CIT: variants seen among roughly 807,000 people sequenced by gnomAD.
The protein encoded by CIT is citron rho-interacting serine/threonine kinase.
A neutral mutation model predicts 272.7 loss-of-function variants in CIT; 79 were observed. That is an observed-to-expected ratio of 0.29 (90% CI 0.24 to 0.35). The LOEUF is 0.35. Ranked by LOEUF, CIT falls within the 10% of genes least tolerant of loss-of-function variation. CIT has a pLI of 1.00. For synonymous variants in CIT, 948 were observed against 995.6 expected (o/e 0.95, Z 0.90); for missense variants, 1,909 against 2,618.3 (o/e 0.73, Z 5.91).
At chr12:119,845,489 C>A (rs1969728669) in intron 5 of CIT, among the ~76,000 whole-genome samples, 1 of 151,430 alleles carries the variant, frequency 6.6e-6, no homozygotes, top group Non-Finnish European at 1.5e-5. Context: ...CCTGTCTCTA[C>A]TAAAAATACA....
chr12:119,856,355 A>G (rs1250085755), intron 4 of CIT, among the ~76,000 whole-genome samples: 1 of 152,232 alleles, frequency 6.6e-6, no homozygotes, highest in Non-Finnish European at 1.5e-5. Context: ...TCATGGTTGT[A>G]CAACATCATG....
chr12:119,806,325 AG>A (rs1005420085), intron 9 of CIT, among the ~76,000 whole-genome samples: 1 of 152,150 alleles, frequency 6.6e-6, no homozygotes, highest in Non-Finnish European at 1.5e-5. Context: ...CAGAGGAAAA[AG>A]CCACAGCCTT....
chr12:119,859,107 G>C (rs1204657674), intron 3 of CIT, among the ~76,000 whole-genome samples: 1 of 152,182 alleles, frequency 6.6e-6, no homozygotes, highest in Admixed American at 6.6e-5. Flanking sequence ...TGACTCTAAT[G>C]ACCTGCAGGA....
intron 5 of CIT, among the ~76,000 whole-genome samples, chr12:119,842,700 C>G (rs956916512): frequency 6.6e-6 from 1 of 152,058 alleles, no homozygotes; most frequent in East Asian, 1.9e-4. Flanking sequence ...AATTTTTAAC[C>G]ATCAAAATGC....
intron 23 of CIT, among the ~76,000 whole-genome samples, chr12:119,749,835 A>C (rs1195948936): frequency 6.6e-6 from 1 of 152,126 alleles, no homozygotes; most frequent in Non-Finnish European, 1.5e-5. Context: ...GCACATTCCA[A>C]CCAGCAGCAA....
Position 119,770,900 on chromosome 12 carries a change from T to C in CIT, c.2093A>G (p.His698Arg), listed in dbSNP as rs1963064806. The stretch of plus-strand genomic sequence containing the variant: ...TCTCTTTACCTTGTTCTCCAGAGAA[T>C]GGCGGCGTTCCTGTAGATCATGAAT... ...KKLVEAEERR[H>R]SLENKVKRLE... Residue 698 changes from histidine to arginine, a missense_variant, in exon 18 of 48, where the codon CAT (histidine) becomes CGT (arginine). By Grantham distance (29) the His-to-Arg change is conservative. This residue lies in a region of CIT where 530 missense variants were observed against 822.4 expected (regional missense o/e 0.64). Transcript: ENST00000392521. The surrounding 1 kb of genome is among the most constrained non-coding windows in gnomAD (Gnocchi z 4.4). 2.5e-6 allele frequency: 4 copies of C among 1,612,704 alleles called. No homozygotes were observed. The Admixed American group carries it at 5.0e-5, about 20-fold the overall frequency.
intron 44 of CIT, among the ~76,000 whole-genome samples, chr12:119,698,589 CA>C (rs3858709): frequency 0.43 from 57,747 of 133,010 alleles, 12,131 homozygotes; most frequent in East Asian, 0.57. Context: ...GACTCTGTCT[CA>C]AAAAAAAAAA....
chr12:119,850,226 G>C lies in CIT; in HGVS notation c.464C>G (p.Pro155Arg). The change falls in exon 5 of 48, where the codon CCG becomes CGG. Residue 155 changes from proline to arginine, a missense_variant. Around this residue, in one of 8 missense-constraint regions of CIT, gnomAD observed 529 missense variants for 549.6 expected, o/e 0.96. Coordinates refer to ENST00000392521, the MANE Select transcript of CIT (RefSeq NM_001206999.2). ...GGCATACTGTAATTGGGGGATCCACGGGCTTGTGCTTCGAGATAATATGTT... is the reference window on the plus strand; with the variant it reads ...GGCATACTGTAATTGGGGGATCCACCGGCTTGTGCTTCGAGATAATATGTT... ...ERNILSRSTS[P>R]WIPQLQYAFQ... 1 of 1,613,528 alleles carries C rather than the reference G, an allele frequency of 6.2e-7. No homozygotes were observed. The highest frequency in any genetic ancestry group is 8.5e-7 in the Non-Finnish European group (1 of 1,179,692).
intron 24 of CIT, among the ~76,000 whole-genome samples, chr12:119,741,798 C>T (rs946122844): frequency 6.6e-6 from 1 of 152,018 alleles, no homozygotes; most frequent in African/African-American, 2.4e-5. Flanking sequence ...CAAAAATAGA[C>T]TGAATTCCCA....
chr12:119,853,924 T>C lies in CIT; in HGVS notation c.414+3599A>G, dbSNP rs1421817098. Among the ~76,000 whole-genome samples, 4 of 152,122 alleles carry C rather than the reference T, an allele frequency of 2.6e-5. No homozygotes were observed. The East Asian group carries it at 5.8e-4, about 22-fold the overall frequency. On this transcript the variant is annotated intron_variant, in intron 4 of 47. Coordinates refer to ENST00000392521, the MANE Select transcript of CIT (RefSeq NM_001206999.2). The stretch of plus-strand genomic sequence containing the variant: ...AGTCTCAGCCAGGAGGGGTGGCTCA[T>C]GCCTGTAATCCCAACACTTTGGGAG...
chr12:119,737,525 G>A (rs278111), intron 24 of CIT, among the ~76,000 whole-genome samples: 1 of 151,862 alleles, frequency 6.6e-6, no homozygotes, highest in Non-Finnish European at 1.5e-5. Flanking sequence ...CCACCTCTTC[G>A]TTTTCTCCCA....
chr12:119,761,944 G>A (rs560932176), intron 19 of CIT, among the ~76,000 whole-genome samples: 2 of 152,292 alleles, frequency 1.3e-5, no homozygotes, highest in African/African-American at 4.8e-5. Flanking sequence ...GACGACATCA[G>A]AACATGCCCA....
chr12:119,859,271 C>G (rs1318813552), intron 3 of CIT, among the ~76,000 whole-genome samples: 2 of 152,124 alleles, frequency 1.3e-5, no homozygotes, highest in African/African-American at 4.8e-5. Context: ...CACTGAAGAC[C>G]AAGAGACTGT....
At chr12:119,717,940 A>C (rs1024120803) in intron 32 of CIT, among the ~76,000 whole-genome samples, 1 of 147,314 alleles carries the variant, frequency 6.8e-6, no homozygotes, top group African/African-American at 2.5e-5. Flanking sequence ...TCCCGGATTC[A>C]AGCAATTCTC....
Position 119,697,793 on chromosome 12 carries a change from C to T in CIT, c.5748G>A (p.Leu1916=), listed in dbSNP as rs1381898188. 6.2e-7 allele frequency: 1 copy of T among 1,614,160 alleles called. No homozygotes were observed. Among genetic ancestry groups the T allele is most frequent in the South Asian group, 1.1e-5 (1 of 91,092 alleles). The part of the protein sequence containing the change: ...AYLDIPNPRY[L]GPAISSGAIY... ...TCGCTCCTGAGGAAATGGCAGGGCC[C>T]AGGTAGCGCGGGTTCGGGATGTCCA... Residue 1916 remains leucine (L), a synonymous_variant, in exon 46 of 48, where the codon CTG becomes CTA. Transcript: ENST00000392521. The surrounding 1 kb of genome is among the most constrained non-coding windows in gnomAD (Gnocchi z 4.9).
chr12:119,863,381 G>A (rs1226527032), intron 3 of CIT, among the ~76,000 whole-genome samples: 1 of 151,952 alleles, frequency 6.6e-6, no homozygotes, highest in African/African-American at 2.4e-5. Flanking sequence ...GGTGGGAGGA[G>A]GGAGACAATC....
At chr12:119,765,828 A>G in intron 19 of CIT, among the ~76,000 whole-genome samples, 1 of 152,320 alleles carries the variant, frequency 6.6e-6, no homozygotes, top group East Asian at 1.9e-4. Flanking sequence ...AAGGCAAAGT[A>G]AAATTGTAAA....
At chr12:119,846,888 TAA>T (rs1048891294) in intron 5 of CIT, among the ~76,000 whole-genome samples, 6 of 135,446 alleles carry the variant, frequency 4.4e-5, no homozygotes, top group Non-Finnish European at 3.2e-5. Flanking sequence ...CATCATCACT[TAA>T]AAAAAAAAAA....
intron 4 of CIT, among the ~76,000 whole-genome samples, chr12:119,851,885 T>C (rs747271007): frequency 5.9e-5 from 9 of 151,956 alleles, no homozygotes; most frequent in Non-Finnish European, 1.3e-4. Context: ...ATACAAAAAG[T>C]AGCTGGGTGT....
Sources: allele counts gnomAD v4.1 joint callset (sites outside exome capture counted in the v4.1 genomes callset), GRCh38; gene constraint gnomAD v4.1.1; regional missense constraint gnomAD v4.1.1; non-coding constraint Gnocchi (gnomAD v3.1); transcripts MANE v1.5; gene names NCBI Gene and HGNC (gene_info 2026-07-23, HGNC 2026-07-21).